SPSB4: variants seen among roughly 807,000 people sequenced by gnomAD.
The protein encoded by SPSB4 is SPRY domain-containing SOCS box protein 4.
In SPSB4, 21 loss-of-function variants were observed where a neutral mutation model predicts 20.9. That is an observed-to-expected ratio of 1.01 (90% confidence interval 0.71 to 1.45). The LOEUF is 1.45. Among genes scored for constraint, SPSB4 ranks in the 40% most tolerant of loss-of-function variants. The probability of loss-of-function intolerance (pLI) is 0.00; values close to 1 mark genes in which losing one functional copy is unlikely to be tolerated. For synonymous variants in SPSB4, 207 were observed against 183.8 expected (o/e 1.13, Z -1.02); for missense variants, 399 against 399.2 (o/e 1.00, Z 0.00).
chr3:141,119,510 A>G (rs1462840203), intron 2 of SPSB4, among the ~76,000 whole-genome samples: 1 of 152,252 alleles, frequency 6.6e-6, no homozygotes, highest in Non-Finnish European at 1.5e-5. Flanking sequence ...TGCCCTGGCC[A>G]GAACTTCCAA....
chr3:141,136,597 A>G (rs1442973487), intron 2 of SPSB4, among the ~76,000 whole-genome samples: 3 of 152,214 alleles, frequency 2.0e-5, no homozygotes, highest in Non-Finnish European at 4.4e-5. Flanking sequence ...TAAATAGGGA[A>G]TGCTTTCCCC....
chr3:141,099,787 G>A (rs1006333183), intron 2 of SPSB4, among the ~76,000 whole-genome samples: 5 of 152,166 alleles, frequency 3.3e-5, no homozygotes, highest in Non-Finnish European at 7.3e-5. Context: ...ACAAGACATC[G>A]TGGCACCAGA....
At chr3:141,126,036 G>A (rs1939044857) in intron 2 of SPSB4, among the ~76,000 whole-genome samples, 3 of 152,100 alleles carry the variant, frequency 2.0e-5, no homozygotes, top group African/African-American at 4.8e-5. Context: ...GGGGGTTCTG[G>A]TTACATCCTT....
At chr3:141,054,751 G>A (rs918700506) in intron 1 of SPSB4, among the ~76,000 whole-genome samples, 1 of 152,242 alleles carries the variant, frequency 6.6e-6, no homozygotes, top group Non-Finnish European at 1.5e-5. Flanking sequence ...GGATCGCAAG[G>A]TCAGGAGATC....
chr3:141,142,974 G>A (rs188514499), intron 2 of SPSB4, among the ~76,000 whole-genome samples: 42 of 151,564 alleles, frequency 2.8e-4, no homozygotes, highest in East Asian at 9.7e-4. Flanking sequence ...CCGCCACCAC[G>A]CCCAGCTAAT....
chr3:141,111,389 ACAATGG>A (rs1175856280), intron 2 of SPSB4, among the ~76,000 whole-genome samples: 1 of 87,508 alleles, frequency 1.1e-5, no homozygotes, highest in Non-Finnish European at 2.0e-5. Context: ...TTGGTAAGGG[ACAATGG>A]TCCTGTAGTA....
intron 1 of SPSB4, among the ~76,000 whole-genome samples, chr3:141,063,000 G>A (rs1280732208): frequency 6.6e-6 from 1 of 152,234 alleles, no homozygotes; most frequent in East Asian, 1.9e-4. Context: ...TCTGATGTGT[G>A]TCTGTCTAAG....
At chr3:141,056,132 C>T (rs1442722381) in intron 1 of SPSB4, among the ~76,000 whole-genome samples, 1 of 152,234 alleles carries the variant, frequency 6.6e-6, no homozygotes, top group Non-Finnish European at 1.5e-5. Flanking sequence ...GTAAGCTCTA[C>T]ACTTCAATGT....
At chr3:141,104,176 G>A (rs1380499133) in intron 2 of SPSB4, among the ~76,000 whole-genome samples, 1 of 152,194 alleles carries the variant, frequency 6.6e-6, no homozygotes, top group Non-Finnish European at 1.5e-5. Context: ...GGTGCAGAAT[G>A]ACAGAGGGAC....
chr3:141,134,219 G>C (rs1219268313), intron 2 of SPSB4, among the ~76,000 whole-genome samples: 1 of 151,644 alleles, frequency 6.6e-6, no homozygotes, highest in Non-Finnish European at 1.5e-5. Context: ...TTTTAGATGA[G>C]TCTTTAGGGT....
intron 2 of SPSB4, among the ~76,000 whole-genome samples, chr3:141,089,346 G>T (rs1457457217): frequency 2.6e-5 from 4 of 152,192 alleles, no homozygotes; most frequent in Non-Finnish European, 5.9e-5. Context: ...GTAGAACAGT[G>T]CAGTAAGGAC....
At chr3:141,132,618 C>CT (rs959288643) in intron 2 of SPSB4, among the ~76,000 whole-genome samples, 1 of 151,418 alleles carries the variant, frequency 6.6e-6, no homozygotes, top group African/African-American at 2.4e-5. Context: ...TATTTCATTC[C>CT]TTTTTTATGG....
chr3:141,130,380 T>G (rs1484716482), intron 2 of SPSB4, among the ~76,000 whole-genome samples: 2 of 152,148 alleles, frequency 1.3e-5, no homozygotes, highest in African/African-American at 2.4e-5. Context: ...ACCAAAACCA[T>G]AGTCTGTGGA....
At chr3:141,118,844 A>G (rs1938920349) in intron 2 of SPSB4, among the ~76,000 whole-genome samples, 1 of 152,008 alleles carries the variant, frequency 6.6e-6, no homozygotes, top group Non-Finnish European at 1.5e-5. Context: ...TGTTCCATTG[A>G]TCTATATATC....
intron 2 of SPSB4, among the ~76,000 whole-genome samples, chr3:141,112,734 C>T (rs1371655299): frequency 6.6e-6 from 1 of 151,168 alleles, no homozygotes; most frequent in Admixed American, 6.6e-5. Flanking sequence ...TGGGCTGTCC[C>T]ATCATAACCC....
intron 1 of SPSB4, among the ~76,000 whole-genome samples, chr3:141,056,984 G>A (rs1186532548): frequency 6.6e-6 from 1 of 152,240 alleles, no homozygotes; most frequent in Non-Finnish European, 1.5e-5. Context: ...CACCTTGGGG[G>A]CCCCTGGCTC....
intron 2 of SPSB4, chr3:141,080,320 A>C (rs1434036320): frequency 6.6e-6 from 1 of 152,272 alleles, no homozygotes; most frequent in Non-Finnish European, 1.5e-5. Flanking sequence ...TTAAGAAAGC[A>C]TAGAGTTCCC....
At chr3:141,119,348 G>C (rs1039039194) in intron 2 of SPSB4, among the ~76,000 whole-genome samples, 4 of 152,316 alleles carry the variant, frequency 2.6e-5, no homozygotes, top group Admixed American at 2.0e-4. Flanking sequence ...TTTGTATCCT[G>C]AGACTTTGCT....
chr3:141,138,392 G>A (rs1419724328), intron 2 of SPSB4, among the ~76,000 whole-genome samples: 1 of 152,118 alleles, frequency 6.6e-6, no homozygotes, highest in Admixed American at 6.5e-5. Flanking sequence ...GAATGTGTTT[G>A]CTCTTGCTTC....
Sources: allele counts gnomAD v4.1 joint callset (sites outside exome capture counted in the v4.1 genomes callset), GRCh38; gene constraint gnomAD v4.1.1; transcripts MANE v1.5; gene names NCBI Gene and HGNC (gene_info 2026-07-23, HGNC 2026-07-21).